Variants in ZFYVE16 observed in about 807,000 individuals in gnomAD.
ZFYVE16 encodes zinc finger FYVE-type containing 16.
A neutral mutation model predicts 138.1 loss-of-function variants in ZFYVE16; 89 were observed. That is an observed-to-expected ratio of 0.64 (90% CI 0.54 to 0.77). The LOEUF (loss-of-function observed/expected upper bound fraction) is 0.77, where lower values mean the gene tolerates loss of function less well. ZFYVE16 is among the 30% of genes least tolerant of loss of function. The pLI is 0.00. For synonymous variants in ZFYVE16, 596 were observed against 618.3 expected, an observed-to-expected ratio of 0.96 and a Z score of 0.53; for missense variants, 1,793 against 1,786.7, an observed-to-expected ratio of 1.00 and a Z score of -0.06.
chr5:80,433,025 G>A (rs1477285404), intron 2 of ZFYVE16, among the ~76,000 whole-genome samples: 2 of 152,282 alleles, frequency 1.3e-5, no homozygotes, highest in Non-Finnish European at 2.9e-5. Flanking sequence ...GGACGTCAGT[G>A]TGGCGATTCC....
chr5:80,448,351 A>G lies in ZFYVE16; in HGVS notation c.3050A>G (p.Asn1017Ser), dbSNP rs563627710. ...TGCAATAAGATTAGTCTTCTACCTA[A>G]TGATGAGGACAGTTTGCCCCCACTT... ...YVCNKISLLP[N>S]DEDSLPPLLV... is the part of the protein sequence containing the mutation. Residue 1017 changes from asparagine to serine, a missense_variant, in exon 8 of 19, where the codon AAT (asparagine) becomes AGT (serine). By Grantham distance (46) the Asn-to-Ser change is conservative. Around this residue, in one of 2 missense-constraint regions of ZFYVE16, gnomAD observed 1,295 missense variants for 1,204.3 expected, o/e 1.08. Transcript: ENST00000505560. 2 of 1,599,528 alleles carry G rather than the reference A, an allele frequency of 1.3e-6. No homozygotes were observed. The highest frequency in any genetic ancestry group is 2.7e-5 in the African/African-American group (2 of 74,908).
chr5:80,433,932 A>G (rs1749497573), intron 2 of ZFYVE16, among the ~76,000 whole-genome samples, 177 bp from the exon 3 acceptor site: 1 of 152,134 alleles, frequency 6.6e-6, no homozygotes, highest in Admixed American at 6.6e-5. Flanking sequence ...GTTGGTTTTC[A>G]TGTCATTTTT....
At chr5:80,432,662 G>A (rs1360077157) in intron 2 of ZFYVE16, among the ~76,000 whole-genome samples, 1 of 152,058 alleles carries the variant, frequency 6.6e-6, no homozygotes, top group African/African-American at 2.4e-5. Flanking sequence ...CTACAGAATG[G>A]GAGAAAATTT....
At chr5:80,416,322 C>T (rs933060186) in intron 1 of ZFYVE16, among the ~76,000 whole-genome samples, 11 of 134,988 alleles carry the variant, frequency 8.1e-5, no homozygotes, top group Non-Finnish European at 1.1e-4. Flanking sequence ...GTGGCGTGAT[C>T]TCGGCTCACT....
intron 1 of ZFYVE16, among the ~76,000 whole-genome samples, chr5:80,415,771 G>C (rs746589592): frequency 6.6e-6 from 1 of 152,018 alleles, no homozygotes; most frequent in Non-Finnish European, 1.5e-5. Context: ...GGGTTCAAGC[G>C]ATTCTCCTGC....
At chr5:80,410,700 A>G (rs1745296464) in intron 1 of ZFYVE16, among the ~76,000 whole-genome samples, 1 of 151,248 alleles carries the variant, frequency 6.6e-6, no homozygotes, top group Non-Finnish European at 1.5e-5. Flanking sequence ...CCTCCTGAGT[A>G]GCTGGGACTA....
chr5:80,473,966 CT>C, intron 17 of ZFYVE16, 107 bp downstream of exon 17: 2 of 758,158 alleles, frequency 2.6e-6, no homozygotes, highest in Non-Finnish European at 4.3e-6. Flanking sequence ...GCTTATTATA[CT>C]TTTTATGCTA....
chr5:80,468,139 T>C lies in ZFYVE16; in HGVS notation c.4025-4622T>C, dbSNP rs562709689. ...TCATGTTCGTTTTAGGATCAACTTGTCAGGTTTACAAAAGGTCCATGGGAA... is the reference window on the plus strand; with the variant it reads ...TCATGTTCGTTTTAGGATCAACTTGCCAGGTTTACAAAAGGTCCATGGGAA... On this transcript the variant is annotated intron_variant, in intron 15 of 18. Transcript: ENST00000505560. Among the ~76,000 whole-genome samples the C allele has an allele frequency of 2.0e-5, 3 of 152,306 alleles. No individual in the cohort carries two copies. In the East Asian group the frequency reaches 5.8e-4, roughly 29 times the overall value.
At chr5:80,451,340 T>G in intron 10 of ZFYVE16, 145 bp from the exon 11 acceptor site, 1 of 592,042 alleles carries the variant, frequency 1.7e-6, no homozygotes, top group Non-Finnish European at 2.9e-6. Flanking sequence ...AAAAAAAATC[T>G]ATAGTGTCTT....
In ZFYVE16 at chr5:80,449,584, C is replaced by A. The variant is rs747990091; in HGVS notation, c.3104-7C>A. 6.2e-7 allele frequency: 1 copy of A among 1,601,290 alleles called. No homozygotes were observed. The highest frequency in any genetic ancestry group is 8.5e-7 in the Non-Finnish European group (1 of 1,176,046). On this transcript the variant is annotated splice_polypyrimidine_tract_variant and splice_region_variant and intron_variant, in intron 8 of 18. Transcript: ENST00000505560. ...ATCCTGATTAATATATTACTTTCAT[C>A]ATTTAGTGCCTGTAGTAGAAGAACA...
intron 15 of ZFYVE16, among the ~76,000 whole-genome samples, chr5:80,469,936 ATTTAT>A (rs1754138468): frequency 6.6e-6 from 1 of 150,634 alleles, no homozygotes; most frequent in South Asian, 2.1e-4. Flanking sequence ...TTCTCTCAAG[ATTTAT>A]TATATGTTTA....
At chr5:80,474,562 A>T in intron 17 of ZFYVE16, 101 bp from the exon 18 acceptor site, 1 of 1,188,218 alleles carries the variant, frequency 8.4e-7, no homozygotes, top group Non-Finnish European at 1.2e-6. Context: ...AATGCTTTTC[A>T]TGGTACTTAC....
chr5:80,464,752 G>GT (rs1420022763), intron 15 of ZFYVE16, among the ~76,000 whole-genome samples: 1 of 151,562 alleles, frequency 6.6e-6, no homozygotes, highest in East Asian at 1.9e-4. Context: ...TCCCTACTGT[G>GT]TTTTTTTGTG....
At chr5:80,428,180 G>A (rs533577703) in intron 2 of ZFYVE16, among the ~76,000 whole-genome samples, 5 of 151,998 alleles carry the variant, frequency 3.3e-5, no homozygotes, top group Non-Finnish European at 7.4e-5. Flanking sequence ...CCTGACCCCC[G>A]AGTAGCCTAA....
chr5:80,457,777 C>T (rs1407123572), intron 14 of ZFYVE16, among the ~76,000 whole-genome samples: 2 of 151,854 alleles, frequency 1.3e-5, no homozygotes, highest in Non-Finnish European at 2.9e-5. Context: ...CCTGTAATCC[C>T]AGAACTTTGG....
At chr5:80,416,912 A>G (rs1333153255) in intron 1 of ZFYVE16, among the ~76,000 whole-genome samples, 3 of 152,154 alleles carry the variant, frequency 2.0e-5, no homozygotes, top group East Asian at 3.8e-4. Context: ...ATGTTAGTAT[A>G]TGTGTTTATA....
At chr5:80,466,029 G>A (rs1405276981) in intron 15 of ZFYVE16, among the ~76,000 whole-genome samples, 1 of 151,782 alleles carries the variant, frequency 6.6e-6, no homozygotes, top group Non-Finnish European at 1.5e-5. Context: ...GGGTTCAAGA[G>A]ATTCTCTTGC....
chr5:80,470,336 C>T (rs937878348), intron 15 of ZFYVE16, among the ~76,000 whole-genome samples: 9 of 151,644 alleles, frequency 5.9e-5, no homozygotes, highest in Admixed American at 1.3e-4. Context: ...CTCCTGACCT[C>T]GTTATCCTCC....
In ZFYVE16 at chr5:80,439,788, A is replaced by G. The variant is rs1050773208; in HGVS notation, c.2323-148A>G. 14 of 450,020 alleles carry G rather than the reference A, an allele frequency of 3.1e-5. No individual in the cohort carries two copies. The Admixed American group carries it at 5.1e-4, about 16-fold the overall frequency. 27.9% of individuals were successfully genotyped at this position (450,020 alleles called of 1,614,324 possible). On this transcript the variant is annotated intron_variant, in intron 4 of 18. Coordinates refer to ENST00000505560, the MANE Select transcript of ZFYVE16 (RefSeq NM_001284236.3). ...GTTACAAAAAAAAGAATCATTTAAG[A>G]ATTCCTATGATTATGGTGATTAGGA...
Sources: gnomAD v4.1 joint callset for allele counts (sites outside exome capture counted in the v4.1 genomes callset) on GRCh38, gnomAD v4.1.1 for gene constraint, gnomAD v4.1.1 regional missense constraint, MANE v1.5 for transcripts, NCBI Gene and HGNC (gene_info 2026-07-23, HGNC 2026-07-21) for gene names.